Variants in MED13L observed in about 807,000 individuals in gnomAD.
The protein encoded by MED13L is mediator complex subunit 13L.
Under a neutral mutation model 220.9 loss-of-function variants are expected in MED13L, and 7 were observed. That is an observed-to-expected ratio of 0.03 (90% CI 0.02 to 0.06). The LOEUF is 0.06. Among genes scored for constraint, MED13L ranks in the 10% least tolerant of loss-of-function variants. The pLI is 1.00. For missense variants in MED13L, 1,965 were observed against 2,760.5 expected (o/e 0.71, Z 6.46); for synonymous variants, 1,011 against 1,015.2 (o/e 1.00, Z 0.08).
intron 4 of MED13L, among the ~76,000 whole-genome samples, chr12:116,084,818 A>G (rs562620308): frequency 2.5e-4 from 38 of 152,056 alleles, no homozygotes; most frequent in African/African-American, 8.9e-4. Flanking sequence ...TGGAGATGAC[A>G]TGCTACACTG....
At chr12:116,034,141 C>T (rs1362054019) in intron 4 of MED13L, among the ~76,000 whole-genome samples, 1 of 152,118 alleles carries the variant, frequency 6.6e-6, no homozygotes, top group Non-Finnish European at 1.5e-5. Context: ...TGCTCCTACA[C>T]ATCTCTGTGT....
rs181502281 is a variant in MED13L at position 116,165,567 on chromosome 12, G to C, written c.311-54055C>G. 1.5e-3 allele frequency among the ~76,000 whole-genome samples: 224 copies of C among 151,652 alleles called. 1 individual carries two copies. Among genetic ancestry groups the C allele is most frequent in the Admixed American group, 2.0e-3 (31 of 15,220 alleles). On this transcript the variant is annotated intron_variant, in intron 2 of 30. Transcript: ENST00000281928. ...AATGGTCTCTATCTCCTTACCTCGT[G>C]ATCCCCCCCGCCTCAGCCTCCCAAA...
intron 2 of MED13L, among the ~76,000 whole-genome samples, chr12:116,141,135 C>A (rs1218391356): frequency 6.6e-6 from 1 of 152,134 alleles, no homozygotes; most frequent in African/African-American, 2.4e-5. Context: ...CAAACCACAA[C>A]CTTATGACAA....
At chr12:116,236,782 G>A (rs1434025902) in intron 2 of MED13L, 1 of 915,606 alleles carries the variant, frequency 1.1e-6, no homozygotes, top group Non-Finnish European at 1.3e-6. Context: ...TAAAACTGTG[G>A]TAAATATATA....
At chr12:116,126,030 A>G (rs1326321859) in intron 2 of MED13L, among the ~76,000 whole-genome samples, 1 of 152,230 alleles carries the variant, frequency 6.6e-6, no homozygotes, top group Non-Finnish European at 1.5e-5. Flanking sequence ...TTGGAAAGCA[A>G]TAAAAGTTTC....
chr12:116,010,305 C>T (rs1008163610), intron 9 of MED13L, among the ~76,000 whole-genome samples: 2 of 152,180 alleles, frequency 1.3e-5, no homozygotes, highest in African/African-American at 2.4e-5. Flanking sequence ...AACATGTGAA[C>T]GTCTCATCAG....
chr12:115,973,389 C>T (rs1441938910), intron 25 of MED13L, among the ~76,000 whole-genome samples: 3 of 152,166 alleles, frequency 2.0e-5, no homozygotes, highest in Non-Finnish European at 4.4e-5. Flanking sequence ...AAACAGATTT[C>T]CTGTACACTA....
chr12:115,996,727 A>G, intron 15 of MED13L, 46 bp from the exon 16 acceptor site: 1 of 1,503,400 alleles, frequency 6.7e-7, no homozygotes, highest in Non-Finnish European at 9.2e-7. Flanking sequence ...TAAACTCTGT[A>G]GAACACACCA....
intron 2 of MED13L, among the ~76,000 whole-genome samples, chr12:116,219,196 ATTC>A (rs1254091701): frequency 2.6e-5 from 4 of 152,190 alleles, no homozygotes; most frequent in African/African-American, 9.6e-5. Flanking sequence ...AACTGGACTT[ATTC>A]TTAACTTATA....
chr12:116,247,142 G>C (rs879934693), intron 1 of MED13L, among the ~76,000 whole-genome samples: 1 of 151,974 alleles, frequency 6.6e-6, no homozygotes, highest in Non-Finnish European at 1.5e-5. Context: ...TCTAAAGAAG[G>C]TAAAATAGGG....
chr12:116,277,010 A>AG, intron 1 of MED13L, 50 bp downstream of exon 1: 1 of 1,015,314 alleles, frequency 9.8e-7, no homozygotes, highest in South Asian at 1.4e-5. Flanking sequence ...GAGGTCGGGG[A>AG]CCCCCCCCCT....
At chr12:116,184,608 G>A (rs183821040) in intron 2 of MED13L, among the ~76,000 whole-genome samples, 2 of 152,270 alleles carry the variant, frequency 1.3e-5, no homozygotes, top group South Asian at 4.1e-4. Context: ...AACCTAGAAT[G>A]TGAACAGTCT....
intron 17 of MED13L, 124 bp from the exon 18 acceptor site, chr12:115,987,412 A>G: frequency 1.1e-6 from 1 of 881,372 alleles, no homozygotes; most frequent in Non-Finnish European, 1.8e-6. Context: ...AGATTCTAAA[A>G]TATTTGACTT....
At chr12:116,135,351 G>A (rs770683620) in intron 2 of MED13L, among the ~76,000 whole-genome samples, 2 of 152,172 alleles carry the variant, frequency 1.3e-5, no homozygotes, top group African/African-American at 2.4e-5. Flanking sequence ...AAGGCTACTT[G>A]TAGGGACTCC....
rs560147017 is a variant in MED13L at position 116,108,290 on chromosome 12, G to A, written c.395+3138C>T. Among the ~76,000 whole-genome samples the A allele has an allele frequency of 3.3e-5, 5 of 150,462 alleles. No homozygotes were observed. In the South Asian group the frequency reaches 6.3e-4, roughly 19 times the overall value. ...AAGACTACAACAAATGGTTGTACAG[G>A]TATCCAACATTTTGGCTTCCCTGTG... On this transcript the variant is annotated intron_variant, in intron 3 of 30. Transcript: ENST00000281928.
At chr12:116,129,908 CAAAA>C (rs572694841) in intron 2 of MED13L, among the ~76,000 whole-genome samples, 2 of 95,464 alleles carry the variant, frequency 2.1e-5, no homozygotes, top group Admixed American at 1.1e-4. Context: ...GACTCAGTCT[CAAAA>C]AAAAAAAAAA....
intron 2 of MED13L, among the ~76,000 whole-genome samples, chr12:116,135,106 T>C (rs996469955): frequency 3.3e-5 from 5 of 152,012 alleles, no homozygotes; most frequent in Admixed American, 2.6e-4. Context: ...GAGGCAGAGG[T>C]TGCAGTGAGC....
chr12:116,034,682 T>C (rs750521857), intron 4 of MED13L, among the ~76,000 whole-genome samples: 2 of 152,166 alleles, frequency 1.3e-5, no homozygotes, highest in Admixed American at 6.5e-5. Flanking sequence ...TCTTCTCTGC[T>C]ACCAACAGTA....
chr12:116,210,836 A>T (rs1393288562), intron 2 of MED13L, among the ~76,000 whole-genome samples: 1 of 152,012 alleles, frequency 6.6e-6, no homozygotes, highest in Non-Finnish European at 1.5e-5. Context: ...TGAATAAAGA[A>T]ACTTCTAAAT....
Sources: allele counts gnomAD v4.1 joint callset (sites outside exome capture counted in the v4.1 genomes callset), GRCh38; gene constraint gnomAD v4.1.1; transcripts MANE v1.5; gene names NCBI Gene and HGNC (gene_info 2026-07-23, HGNC 2026-07-21).